Variants in KCTD1 observed in about 807,000 individuals in gnomAD.
The protein encoded by KCTD1 is potassium channel tetramerization domain containing 1.
Under a neutral mutation model 66.0 loss-of-function variants are expected in KCTD1, and 24 were observed. The observed-to-expected ratio is 0.36, with a 90% CI of 0.26 to 0.51. The LOEUF is 0.51. KCTD1 is among the 20% of genes least tolerant of loss of function. The probability of loss-of-function intolerance (pLI) is 0.95; values close to 1 mark genes in which losing one functional copy is unlikely to be tolerated. For synonymous variants in KCTD1, 511 were observed against 517.2 expected, an observed-to-expected ratio of 0.99 and a Z score of 0.16; for missense variants, 943 against 1,205.2, an observed-to-expected ratio of 0.78 and a Z score of 3.22.
intron 2 of KCTD1, among the ~76,000 whole-genome samples, chr18:26,481,973 G>C (rs553904095): frequency 6.6e-6 from 1 of 152,316 alleles, no homozygotes; most frequent in Non-Finnish European, 1.5e-5. Flanking sequence ...CTGTCATTCT[G>C]AAGTGTCAGA....
chr18:26,624,018 G>T (rs952381254), intron 1 of KCTD1, among the ~76,000 whole-genome samples: 1 of 152,232 alleles, frequency 6.6e-6, no homozygotes, highest in East Asian at 1.9e-4. Flanking sequence ...CTGAAACAAA[G>T]ATGATTCTTG....
intron 1 of KCTD1, among the ~76,000 whole-genome samples, chr18:26,596,749 TAATAGTTTACTA>T (rs1251198225): frequency 6.6e-6 from 1 of 152,250 alleles, no homozygotes; most frequent in Non-Finnish European, 1.5e-5. Flanking sequence ...GAGCACAAAG[TAATAGTTTACTA>T]AATGACAGGT....
chr18:26,646,894 A>T (rs989969530), intron 1 of KCTD1, among the ~76,000 whole-genome samples: 1 of 152,232 alleles, frequency 6.6e-6, no homozygotes, highest in Non-Finnish European at 1.5e-5. Context: ...ATGGGAAGAA[A>T]AAAAAATAAG....
intron 2 of KCTD1, among the ~76,000 whole-genome samples, chr18:26,490,905 ACC>A (rs1428947846): frequency 1.3e-5 from 2 of 151,982 alleles, no homozygotes; most frequent in Admixed American, 6.6e-5. Flanking sequence ...GGTGCATGCT[ACC>A]ATGCCCAGCT....
chr18:26,621,414 C>T (rs1220633319), intron 1 of KCTD1, among the ~76,000 whole-genome samples: 3 of 152,056 alleles, frequency 2.0e-5, no homozygotes, highest in South Asian at 4.2e-4. Context: ...CCATAAATAC[C>T]TGCTCAATGA....
intron 2 of KCTD1, among the ~76,000 whole-genome samples, chr18:26,480,149 C>A (rs1358353469): frequency 6.8e-6 from 1 of 146,724 alleles, no homozygotes; most frequent in Non-Finnish European, 1.5e-5. Context: ...ACTATTTTAA[C>A]TATTTTTTTT....
chr18:26,531,563 C>T (rs757773865), intron 1 of KCTD1, among the ~76,000 whole-genome samples: 3 of 152,116 alleles, frequency 2.0e-5, no homozygotes, highest in Non-Finnish European at 4.4e-5. Flanking sequence ...AAATTCAAAA[C>T]GGGAGCTATA....
chr18:26,471,876 C>A (rs1270229131), intron 3 of KCTD1, among the ~76,000 whole-genome samples: 2 of 152,146 alleles, frequency 1.3e-5, no homozygotes, highest in African/African-American at 4.8e-5. Context: ...AATTGTGAAG[C>A]CACTCCAAGG....
chr18:26,586,596 A>G (rs1260978575), intron 1 of KCTD1, among the ~76,000 whole-genome samples: 1 of 152,262 alleles, frequency 6.6e-6, no homozygotes, highest in African/African-American at 2.4e-5. Flanking sequence ...CTAGGTAGAA[A>G]GCTAAGCCTT....
intron 1 of KCTD1, among the ~76,000 whole-genome samples, chr18:26,576,210 A>T (rs1048331135): frequency 1.3e-5 from 2 of 152,132 alleles, no homozygotes; most frequent in African/African-American, 2.4e-5. Flanking sequence ...TGTTTGTTGT[A>T]CCATTTGACT....
upstream of KCTD1, chr18:26,548,664 T>C (rs1392895499): frequency 1.0e-6 from 1 of 1,003,600 alleles, no homozygotes; most frequent in African/African-American, 1.8e-5. Flanking sequence ...GGAGCCGCGC[T>C]CCAATTGTCA....
intron 1 of KCTD1, among the ~76,000 whole-genome samples, chr18:26,534,035 C>CATA (rs1254924159): frequency 2.0e-5 from 3 of 151,992 alleles, no homozygotes; most frequent in Non-Finnish European, 4.4e-5. Flanking sequence ...GACTGATCTC[C>CATA]ATAAGTACAC....
chr18:26,455,979 T>C, intron 4 of KCTD1, 78 bp from the exon 5 acceptor site: 1 of 1,382,560 alleles, frequency 7.2e-7, no homozygotes, highest in Non-Finnish European at 9.9e-7. Flanking sequence ...AAGTTTGAGA[T>C]TATGCGCACT....
upstream of KCTD1, chr18:26,548,955 G>T (rs1315611373): frequency 5.1e-6 from 5 of 986,226 alleles, no homozygotes; most frequent in Admixed American, 6.1e-5. Flanking sequence ...GGGCGGGACG[G>T]TCTCGTTTCT....
chr18:26,586,239 A>G (rs562357019), intron 1 of KCTD1, among the ~76,000 whole-genome samples: 18 of 152,300 alleles, frequency 1.2e-4, no homozygotes, highest in African/African-American at 4.1e-4. Flanking sequence ...AATTCTCATA[A>G]TTCTTCAAAC....
chr18:26,630,905 C>A (rs186718808), upstream of KCTD1, among the ~76,000 whole-genome samples: 1 of 152,178 alleles, frequency 6.6e-6, no homozygotes. Context: ...TGCTTTGAGA[C>A]CTTCACTTGA....
chr18:26,473,663 G>A (rs183710944), intron 3 of KCTD1, among the ~76,000 whole-genome samples: 2 of 152,036 alleles, frequency 1.3e-5, no homozygotes, highest in African/African-American at 2.4e-5. Context: ...CTGATGAAGC[G>A]GCTTTTGCTT....
chr18:26,610,544 C>G (rs750491870), intron 1 of KCTD1, among the ~76,000 whole-genome samples: 10 of 150,836 alleles, frequency 6.6e-5, no homozygotes, highest in Non-Finnish European at 1.2e-4. Flanking sequence ...CGCCAATGCA[C>G]TCTAGCCTGG....
chr18:26,516,108 G>A (rs764581680), intron 1 of KCTD1, among the ~76,000 whole-genome samples: 1 of 151,922 alleles, frequency 6.6e-6, no homozygotes, highest in Non-Finnish European at 1.5e-5. Flanking sequence ...GAAAGGGAAG[G>A]GGAGCAGGAA....
Sources: gnomAD v4.1 joint callset for allele counts (sites outside exome capture counted in the v4.1 genomes callset) on GRCh38, gnomAD v4.1.1 for gene constraint, MANE v1.5 for transcripts, NCBI Gene and HGNC (gene_info 2026-07-23, HGNC 2026-07-21) for gene names.